The following ARHGAP35 variants were observed in gnomAD, a reference collection of about 807,000 sequenced individuals.
ARHGAP35 encodes the protein Rho GTPase activating protein 35.
ARHGAP35 carries 15 observed loss-of-function variants against 111.1 expected under a neutral mutation model. The observed-to-expected ratio is 0.13, with a 90% CI of 0.09 to 0.21. The LOEUF is 0.21. Among genes scored for constraint, ARHGAP35 ranks in the 10% least tolerant of loss-of-function variants. The probability of loss-of-function intolerance (pLI) is 1.00; values close to 1 mark genes in which losing one functional copy is unlikely to be tolerated. For missense variants in ARHGAP35, 1,262 were observed against 1,873.0 expected (o/e 0.67, Z 6.02); for synonymous variants, 643 against 710.3 (o/e 0.91, Z 1.51).
In ARHGAP35 at chr19:46,988,285, C is replaced by T; in HGVS notation, c.3904+219C>T. On this transcript the variant is annotated intron_variant, in intron 4 of 6. Transcript: ENST00000672722. This position sits in a 1 kb window ranked among gnomAD's most constrained non-coding sequence, Gnocchi z 5.4. ...AGCACCATCCCTGCCCAAGCTGGGT[C>T]ATGTAGGCCACTCCCCACACTGCCA... 1 of 532,390 alleles carries T rather than the reference C, an allele frequency of 1.9e-6. No individual in the cohort carries two copies. The highest frequency in any genetic ancestry group is 2.0e-5 in the South Asian group (1 of 49,604). 33.0% of individuals were successfully genotyped at this position (532,390 alleles called of 1,614,324 possible). A position where few individuals can be genotyped will look rare whatever the true frequency, so the allele number is the denominator to read the frequency against.
At chr19:46,902,022 C>T (rs1466589398) in intron 1 of ARHGAP35, among the ~76,000 whole-genome samples, 2 of 152,194 alleles carry the variant, frequency 1.3e-5, no homozygotes, top group African/African-American at 4.8e-5. Context: ...CAGAATTCTT[C>T]TGAATCACTT....
At chr19:46,923,501 T>C (rs1364469945) in intron 2 of ARHGAP35, among the ~76,000 whole-genome samples, 1 of 152,132 alleles carries the variant, frequency 6.6e-6, no homozygotes, top group Non-Finnish European at 1.5e-5. Context: ...CCCTTGGGTT[T>C]AGGCTTTGAG....
chr19:46,959,900 C>G (rs2056467540), intron 3 of ARHGAP35, among the ~76,000 whole-genome samples: 1 of 151,552 alleles, frequency 6.6e-6, no homozygotes, highest in Non-Finnish European at 1.5e-5. Context: ...GAGTTCGAGA[C>G]CAGCCTGGGC....
intron 2 of ARHGAP35, among the ~76,000 whole-genome samples, chr19:46,934,613 C>T (rs775900732): frequency 2.0e-5 from 3 of 152,076 alleles, no homozygotes; most frequent in Non-Finnish European, 4.4e-5. Flanking sequence ...GTGATCCGCC[C>T]GCCTTGCCCT....
chr19:46,932,642 C>CT (rs2056279587), intron 2 of ARHGAP35, among the ~76,000 whole-genome samples: 2 of 152,150 alleles, frequency 1.3e-5, no homozygotes, highest in South Asian at 4.1e-4. Flanking sequence ...GATTTTCTTA[C>CT]TAGGAAGGTT....
In ARHGAP35 at chr19:46,921,894, T is replaced by G. The variant is rs761917591; in HGVS notation, c.3219T>G (p.Ser1073=). 1.9e-6 allele frequency: 3 copies of G among 1,614,014 alleles called. No homozygotes were observed. In the South Asian group the frequency reaches 3.3e-5, roughly 18 times the overall value. The change falls in exon 2 of 7, where the codon TCT becomes TCG. Residue 1073 remains serine (S), a synonymous_variant. Coordinates refer to ENST00000672722, the MANE Select transcript of ARHGAP35 (RefSeq NM_004491.5). This position sits in a 1 kb window ranked among gnomAD's most constrained non-coding sequence, Gnocchi z 4.3. ...ATGGACAGAGGAAGTCTGTGTCTTC[T>G]AGCCCCTGGCTGCCTCAGGATGGGT... is the stretch of plus-strand genomic sequence containing the variant. ...HRDGQRKSVS[S]SPWLPQDGFD...
intron 1 of ARHGAP35, among the ~76,000 whole-genome samples, chr19:46,915,764 GTAAACTGAAGTGCAGCA>G (rs1018737567): frequency 2.6e-4 from 40 of 152,232 alleles, no homozygotes; most frequent in Non-Finnish European, 2.8e-4. Context: ...GAGTATCTAA[GTAAACTGAAGTGCAGCA>G]TAAACTGTCG....
chr19:46,946,090 C>T lies in ARHGAP35; in HGVS notation c.3826+8682C>T, dbSNP rs138519075. Among the ~76,000 whole-genome samples, 529 of 152,354 alleles carry T rather than the reference C, an allele frequency of 3.5e-3. 4 individuals carry two copies. The highest frequency in any genetic ancestry group is 0.012 in the African/African-American group (499 of 41,588). On this transcript the variant is annotated intron_variant, in intron 3 of 6. Coordinates refer to ENST00000672722, the MANE Select transcript of ARHGAP35 (RefSeq NM_004491.5). ...CCAGGACACAGTTTTGTTAGTGCAG[C>T]TGACTTTCAGTTAGTCCCTCTGGAA...
Position 46,989,588 on chromosome 19 carries a change from G to A in ARHGAP35, c.3949G>A (p.Val1317Met). The change falls in exon 5 of 7, where the codon GTG becomes ATG. Residue 1317 changes from valine to methionine, a missense_variant. Around this residue, in one of 8 missense-constraint regions of ARHGAP35, gnomAD observed 45 missense variants for 118.2 expected, o/e 0.38. Transcript: ENST00000672722. This position sits in a 1 kb window ranked among gnomAD's most constrained non-coding sequence, Gnocchi z 5.3. The stretch of plus-strand genomic sequence containing the variant: ...AGAGAAAGACTTTACGGTGAATACC[G>A]TGGCTGGTGCCATGAAGAGCTTTTT... Reference protein sequence around the residue: ...LAEKDFTVNTVAGAMKSFFSE... With the variant: ...LAEKDFTVNTMAGAMKSFFSE... 1.2e-6 allele frequency: 2 copies of A among 1,613,990 alleles called. No individual in the cohort carries two copies. The highest frequency in any genetic ancestry group is 1.7e-6 in the Non-Finnish European group (2 of 1,179,868).
At chr19:46,948,243 C>T (rs928101587) in intron 3 of ARHGAP35, 1 of 152,214 alleles carries the variant, frequency 6.6e-6, no homozygotes, top group Admixed American at 6.5e-5. Context: ...TAACAAAAAA[C>T]TATAACAAGG....
In ARHGAP35 at chr19:46,886,083, T is replaced by C. The variant is rs113483629; in HGVS notation, c.-189+24874T>C. Among the ~76,000 whole-genome samples the C allele has an allele frequency of 2.6e-5, 4 of 152,360 alleles. 1 individual carries two copies. Among genetic ancestry groups the C allele is most frequent in the African/African-American group, 9.6e-5 (4 of 41,592 alleles). On this transcript the variant is annotated intron_variant, in intron 1 of 6. Coordinates refer to ENST00000672722, the MANE Select transcript of ARHGAP35 (RefSeq NM_004491.5). The stretch of plus-strand genomic sequence containing the variant: ...GGGAAGAGCCTTGGAGATTGGGTAC[T>C]GCATGATGCTGCAGGGAGGCCAGTG...
rs1349871449 is a variant in ARHGAP35 at position 47,003,725 on chromosome 19, T to C, written c.*3037T>C. The stretch of plus-strand genomic sequence containing the variant: ...GCAGGGCACCTGCTGCGACCCAGAT[T>C]CTTCTGCAGGATGTGTCTGTCTTTG... On this transcript the variant is annotated 3_prime_UTR_variant, in exon 7 of 7. Transcript: ENST00000672722. 2.6e-5 allele frequency: 4 copies of C among 152,090 alleles called. No individual in the cohort carries two copies. Among genetic ancestry groups the C allele is most frequent in the Admixed American group, 2.6e-4 (4 of 15,260 alleles). The allele number at this position is 152,090 out of a possible 1,614,324, so 9.4% of individuals were successfully genotyped here. A position where few individuals can be genotyped will look rare whatever the true frequency, so the allele number is the denominator to read the frequency against.
intron 3 of ARHGAP35, 116 bp downstream of exon 3, chr19:46,937,524 G>A: frequency 8.2e-7 from 1 of 1,213,278 alleles, no homozygotes; most frequent in Non-Finnish European, 1.2e-6. Context: ...AGATGCTCTT[G>A]GAGAAGGAGC....
rs148679961 is a variant in ARHGAP35, at chr19:46,953,816, T to C, written c.3826+16408T>C. Among the ~76,000 whole-genome samples the C allele has an allele frequency of 4.6e-4, 70 of 152,308 alleles. No individual in the cohort carries two copies. In the East Asian group the frequency reaches 0.011, roughly 24 times the overall value. On this transcript the variant is annotated intron_variant, in intron 3 of 6. Transcript: ENST00000672722. ...GGGTCACTTCCCGTCCAACCCTGTC[T>C]TTCCAAGCCCATCTTCCTTCACACT...
At chr19:46,942,104 T>C (rs985087180) in intron 3 of ARHGAP35, among the ~76,000 whole-genome samples, 3 of 152,130 alleles carry the variant, frequency 2.0e-5, no homozygotes, top group African/African-American at 7.2e-5. Flanking sequence ...CTAAGAAAAC[T>C]TTTTCTCCCT....
rs2056173854 is a variant in ARHGAP35, at chr19:46,918,023, GT to G, written c.-188-460del. On this transcript the variant is annotated intron_variant, in intron 1 of 6. Coordinates refer to ENST00000672722, the MANE Select transcript of ARHGAP35 (RefSeq NM_004491.5). The surrounding 1 kb of genome is among the most constrained non-coding windows in gnomAD (Gnocchi z 5.4). ...GCTACCACGCCCGGCCCAGGTTCCTGTTTTTGCAGTGGGTTTATAATTCATT... is the reference window on the plus strand; with the variant it reads ...GCTACCACGCCCGGCCCAGGTTCCTGTTTTGCAGTGGGTTTATAATTCATT... Among the ~76,000 whole-genome samples the G allele has an allele frequency of 6.6e-6, 1 of 152,178 alleles. No individual in the cohort carries two copies. Among genetic ancestry groups the G allele is most frequent in the Non-Finnish European group, 1.5e-5 (1 of 68,036 alleles).
At chr19:46,915,827 A>T (rs1265214507) in intron 1 of ARHGAP35, among the ~76,000 whole-genome samples, 1 of 151,918 alleles carries the variant, frequency 6.6e-6, no homozygotes, top group Non-Finnish European at 1.5e-5. Flanking sequence ...AAGCCATAAC[A>T]GTTTGTTTAA....
rs186138758 is a variant in ARHGAP35, at chr19:46,979,791, T to C, written c.3827-8198T>C. Among the ~76,000 whole-genome samples, 333 of 152,246 alleles carry C rather than the reference T, an allele frequency of 2.2e-3. 1 individual carries two copies. Among genetic ancestry groups the C allele is most frequent in the African/African-American group, 7.6e-3 (314 of 41,522 alleles). On this transcript the variant is annotated intron_variant, in intron 3 of 6. Coordinates refer to ENST00000672722, the MANE Select transcript of ARHGAP35 (RefSeq NM_004491.5). ...TCGTAATAGAGTGTTAGTGGCCTTC[T>C]ATCATGGGGGGAAAGTCTGGCACAG...
intron 3 of ARHGAP35, chr19:46,947,129 A>G (rs185597166): frequency 1.9e-4 from 29 of 152,350 alleles, no homozygotes; most frequent in African/African-American, 6.5e-4. Context: ...AATAGCTTTA[A>G]GCTTAATTCA....
Sources: gnomAD v4.1 joint callset for allele counts (sites outside exome capture counted in the v4.1 genomes callset) on GRCh38, gnomAD v4.1.1 for gene constraint, gnomAD v4.1.1 regional missense constraint, Gnocchi (gnomAD v3.1) non-coding constraint, MANE v1.5 for transcripts, NCBI Gene and HGNC (gene_info 2026-07-23, HGNC 2026-07-21) for gene names.